The following CACNA1B variants were observed in gnomAD, a reference collection of about 807,000 sequenced individuals.
CACNA1B encodes voltage-dependent N-type calcium channel subunit alpha-1B.
In CACNA1B, 70 loss-of-function variants were observed where a neutral mutation model predicts 247.2. The ratio of observed to expected loss-of-function variants is 0.28; its 90% CI spans 0.23 to 0.35. CACNA1B has a LOEUF of 0.35. CACNA1B is among the 10% of genes least tolerant of loss of function. The probability of loss-of-function intolerance (pLI) is 1.00; values close to 1 mark genes in which losing one functional copy is unlikely to be tolerated. For synonymous variants in CACNA1B, 1,231 were observed against 1,294.4 expected, an observed-to-expected ratio of 0.95 and a Z score of 1.05; for missense variants, 2,367 against 3,197.4, an observed-to-expected ratio of 0.74 and a Z score of 6.26.
chr9:137,943,679 C>A (rs1489318233), intron 6 of CACNA1B, among the ~76,000 whole-genome samples: 1 of 152,104 alleles, frequency 6.6e-6, no homozygotes, highest in Non-Finnish European at 1.5e-5. Context: ...TGAACAAGGG[C>A]CCTGAGCTTT....
chr9:137,924,531 G>A (rs1957529356), intron 6 of CACNA1B, among the ~76,000 whole-genome samples: 2 of 152,048 alleles, frequency 1.3e-5, no homozygotes, highest in Non-Finnish European at 2.9e-5. Context: ...CTTTCTCTCT[G>A]CCAATACCAC....
intron 10 of CACNA1B, among the ~76,000 whole-genome samples, chr9:137,965,031 G>A (rs990083897): frequency 6.6e-6 from 1 of 152,210 alleles, no homozygotes; most frequent in Non-Finnish European, 1.5e-5. Flanking sequence ...GCCAGTGAAG[G>A]TCGTGAAACA....
intron 11 of CACNA1B, 40 bp from the exon 12 acceptor site, chr9:137,975,867 A>C: frequency 8.1e-7 from 1 of 1,230,978 alleles, no homozygotes. Context: ...GAGTGGGAGG[A>C]GGCCTCGAGC....
rs1957422153 is a variant in CACNA1B, at chr9:137,917,194, G to T, written c.776-47G>T. Reference sequence around the variant, plus strand: ...CAGGAATCCTGGTGGGGATTGGAGAGCTTGGTATTTCTGAGCTCAGGGTCT... The same window carrying T: ...CAGGAATCCTGGTGGGGATTGGAGATCTTGGTATTTCTGAGCTCAGGGTCT... On this transcript the variant is annotated intron_variant, in intron 5 of 46. Coordinates refer to ENST00000371372, the MANE Select transcript of CACNA1B (RefSeq NM_000718.4). This position sits in a 1 kb window ranked among gnomAD's most constrained non-coding sequence, Gnocchi z 5.5. 9 of 1,552,164 alleles carry T rather than the reference G, an allele frequency of 5.8e-6. No homozygotes were observed. Among genetic ancestry groups the T allele is most frequent in the Non-Finnish European group, 7.9e-6 (9 of 1,139,436 alleles).
intron 20 of CACNA1B, among the ~76,000 whole-genome samples, chr9:138,035,821 G>A (rs1175759899): frequency 6.6e-6 from 1 of 152,098 alleles, no homozygotes; most frequent in Non-Finnish European, 1.5e-5. Context: ...ATGACATTGA[G>A]CTTTTCTACT....
Position 137,881,089 on chromosome 9 carries a change from C to T in CACNA1B, c.391-1655C>T, listed in dbSNP as rs1415841389. ...AGGGTGCTGGCTGGTCCTTCCTAGG[C>T]GTCGGGCCTGTTCTCTTTTTCACCA... On this transcript the variant is annotated intron_variant, in intron 2 of 46. Transcript: ENST00000371372. This position sits in a 1 kb window ranked among gnomAD's most constrained non-coding sequence, Gnocchi z 4.3. Among the ~76,000 whole-genome samples the T allele has an allele frequency of 1.3e-5, 2 of 152,190 alleles. No homozygotes were observed. The highest frequency in any genetic ancestry group is 6.5e-5 in the Admixed American group (1 of 15,282).
Position 138,013,216 on chromosome 9 carries a change from G to A in CACNA1B, c.2248G>A (p.Ala750Thr), listed in dbSNP as rs199685241. The A allele has an allele frequency of 1.0e-5, 16 of 1,601,612 alleles. No homozygotes were observed. Among genetic ancestry groups the A allele is most frequent in the South Asian group, 2.3e-5 (2 of 88,694 alleles). ...GGCTGAAGTCAGCCCCATGTCTGCC[G>A]CGAACATCTCCATCGCCGCGTAAGG... ...EVAEVSPMSA[A>T]NISIAARQQN... The change falls in exon 18 of 47, where the codon GCG (alanine) becomes ACG (threonine). Residue 750 changes from alanine to threonine, a missense_variant. Physicochemically the swap from Ala to Thr is moderately conservative, Grantham distance 58. This residue lies in a region of CACNA1B where 631 missense variants were observed against 631.1 expected (regional missense o/e 1.00). Coordinates refer to ENST00000371372, the MANE Select transcript of CACNA1B (RefSeq NM_000718.4).
In CACNA1B at chr9:138,112,448, G is replaced by A. The variant is rs374147774; in HGVS notation, c.5479G>A (p.Val1827Ile). Residue 1827 changes from valine (V) to isoleucine (I), a missense_variant, in exon 40 of 47, where the codon GTT (valine) becomes ATT (isoleucine). Val to Ile is a conservative substitution (Grantham distance 29). Coordinates refer to ENST00000371372, the MANE Select transcript of CACNA1B (RefSeq NM_000718.4). The stretch of plus-strand genomic sequence containing the variant: ...CGCGGAGTTGAGGAAGGAGATTTCC[G>A]TTGTGTGGGCCAATCTGCCCCAGAA... ...CDAELRKEIS[V>I]VWANLPQKTL... 2.2e-5 allele frequency: 35 copies of A among 1,613,742 alleles called. No homozygotes were observed. Among genetic ancestry groups the A allele is most frequent in the Middle Eastern group, 3.3e-4 (2 of 6,062 alleles).
intron 15 of CACNA1B, 143 bp from the exon 16 acceptor site, chr9:138,006,624 T>G: frequency 1.6e-6 from 1 of 634,934 alleles, no homozygotes; most frequent in African/African-American, 1.8e-5. Flanking sequence ...GGAGACAGCA[T>G]CATCTAAAGA....
At chr9:137,930,468 GAATTTT>G (rs1957595989) in intron 6 of CACNA1B, among the ~76,000 whole-genome samples, 1 of 152,174 alleles carries the variant, frequency 6.6e-6, no homozygotes, top group African/African-American at 2.4e-5. Flanking sequence ...TAAACTGAAA[GAATTTT>G]AATTTTAAAT....
intron 36 of CACNA1B, among the ~76,000 whole-genome samples, chr9:138,085,046 A>C (rs4066714): frequency 0.18 from 27,699 of 150,504 alleles, 3,301 homozygotes; most frequent in East Asian, 0.38. Flanking sequence ...TTAAAAACTG[A>C]CAGAAAAGGG....
At chr9:138,064,532 C>T (rs1589106690) in intron 31 of CACNA1B, among the ~76,000 whole-genome samples, 1 of 152,364 alleles carries the variant, frequency 6.6e-6, no homozygotes, top group East Asian at 1.9e-4. Flanking sequence ...TCTCAAGCAG[C>T]ATCCTTGTTG....
At position 138,102,497 on chromosome 9, in the gene CACNA1B, G is replaced by C. The variant is rs1206794782; in HGVS notation, c.5223-214G>C. 6.6e-6 allele frequency among the ~76,000 whole-genome samples: 1 copy of C among 152,060 alleles called. No individual in the cohort carries two copies. Among genetic ancestry groups the C allele is most frequent in the African/African-American group, 2.4e-5 (1 of 41,414 alleles). ...GAGTGAGGAGGTGAGGCTCGGGGGT[G>C]GGGGGCCAGGAGGGGGTCAAGCCAA... is the stretch of plus-strand genomic sequence containing the variant. On this transcript the variant is annotated intron_variant, in intron 37 of 46. Coordinates refer to ENST00000371372, the MANE Select transcript of CACNA1B (RefSeq NM_000718.4). The surrounding 1 kb of genome is among the most constrained non-coding windows in gnomAD (Gnocchi z 5.4).
chr9:138,032,011 G>C (rs1958993116), intron 20 of CACNA1B, among the ~76,000 whole-genome samples: 1 of 151,908 alleles, frequency 6.6e-6, no homozygotes, highest in African/African-American at 2.4e-5. Context: ...TGATATATTA[G>C]GGCTTAAGTC....
In CACNA1B at chr9:137,881,053, CT is replaced by C. The variant is rs1464311630; in HGVS notation, c.391-1689del. On this transcript the variant is annotated intron_variant, in intron 2 of 46. Coordinates refer to ENST00000371372, the MANE Select transcript of CACNA1B (RefSeq NM_000718.4). This position sits in a 1 kb window ranked among gnomAD's most constrained non-coding sequence, Gnocchi z 4.3. The stretch of plus-strand genomic sequence containing the variant: ...AGGAGAGGGCTCGGGCTGGGGGCTC[CT>C]TCCCAGCTGAGGGTGCTGGCTGGTC... Among the ~76,000 whole-genome samples, 1 of 152,240 alleles carries C rather than the reference CT, an allele frequency of 6.6e-6. No homozygotes were observed. The highest frequency in any genetic ancestry group is 1.9e-4 in the East Asian group (1 of 5,204).
In CACNA1B at chr9:138,023,827, G is replaced by A; in HGVS notation, c.3068+16G>A. The stretch of plus-strand genomic sequence containing the variant: ...ACCAGCCCCGGTGAGTCCGCGGCTG[G>A]GCGGGGTCAGGGAGGGAAGGGTTGG... On this transcript the variant is annotated intron_variant, in intron 19 of 46. Coordinates refer to ENST00000371372, the MANE Select transcript of CACNA1B (RefSeq NM_000718.4). The A allele has an allele frequency of 8.0e-7, 1 of 1,249,320 alleles. No homozygotes were observed. The highest frequency in any genetic ancestry group is 1.1e-6 in the Non-Finnish European group (1 of 873,850). The allele number at this position is 1,249,320 out of a possible 1,614,324, so 77.4% of individuals were successfully genotyped here. A position where few individuals can be genotyped will look rare whatever the true frequency, so the allele number is the denominator to read the frequency against.
chr9:138,116,464 G>GC (rs1303090294), intron 42 of CACNA1B, among the ~76,000 whole-genome samples: 1 of 152,154 alleles, frequency 6.6e-6, no homozygotes, highest in Non-Finnish European at 1.5e-5. Flanking sequence ...GCCGCTGGCA[G>GC]CCCCCCATTC....
rs145090589 is a variant in CACNA1B, at chr9:137,938,689, G to C, written c.967-13585G>C. Among the ~76,000 whole-genome samples the C allele has an allele frequency of 2.3e-4, 35 of 152,276 alleles. No homozygotes were observed. The East Asian group carries it at 3.9e-3, about 17-fold the overall frequency. ...ACATTATATAATGATAAAAGGCCTT[G>C]TACAACAGGAAAATATCACAATCCT... is the stretch of plus-strand genomic sequence containing the variant. On this transcript the variant is annotated intron_variant, in intron 6 of 46. Transcript: ENST00000371372.
At chr9:138,037,325 C>G (rs1959058722) in intron 20 of CACNA1B, among the ~76,000 whole-genome samples, 1 of 152,180 alleles carries the variant, frequency 6.6e-6, no homozygotes, top group African/African-American at 2.4e-5. Flanking sequence ...CCAGGAGCAC[C>G]CACTAGTTGT....
Sources: gnomAD v4.1 joint callset for allele counts (sites outside exome capture counted in the v4.1 genomes callset) on GRCh38, gnomAD v4.1.1 for gene constraint, gnomAD v4.1.1 regional missense constraint, Gnocchi (gnomAD v3.1) non-coding constraint, MANE v1.5 for transcripts, NCBI Gene and HGNC (gene_info 2026-07-23, HGNC 2026-07-21) for gene names.